The following CHSY3 variants were observed in gnomAD, a reference collection of about 807,000 sequenced individuals.
CHSY3 encodes chondroitin sulfate synthase 3, also known as N-acetylgalactosaminyl-proteoglycan 3-beta-glucuronosyltransferase 3.
In CHSY3, 35 loss-of-function variants were observed where a neutral mutation model predicts 67.2. That is an observed-to-expected ratio of 0.52 (90% CI 0.40 to 0.69). The LOEUF is 0.69. CHSY3 is among the 30% of genes least tolerant of loss of function. CHSY3 has a pLI of 0.00. For missense variants in CHSY3, 1,069 were observed against 1,138.5 expected, an observed-to-expected ratio of 0.94 and a Z score of 0.88; for synonymous variants, 474 against 434.7, an observed-to-expected ratio of 1.09 and a Z score of -1.12.
chr5:130,016,445 C>T (rs1764221569), intron 2 of CHSY3, among the ~76,000 whole-genome samples: 2 of 152,198 alleles, frequency 1.3e-5, no homozygotes, highest in African/African-American at 2.4e-5. Context: ...AAGTCTCGCT[C>T]TTGTCCCTCA....
intron 2 of CHSY3, among the ~76,000 whole-genome samples, chr5:129,987,699 T>C (rs926581345): frequency 6.6e-6 from 1 of 152,226 alleles, no homozygotes; most frequent in African/African-American, 2.4e-5. Flanking sequence ...TGCTCATATG[T>C]GTAACATGGC....
chr5:130,169,766 T>C (rs1769848991), intron 2 of CHSY3, among the ~76,000 whole-genome samples: 1 of 151,860 alleles, frequency 6.6e-6, no homozygotes, highest in South Asian at 2.1e-4. Flanking sequence ...AAGAATCTAC[T>C]TGGTATTTGA....
At chr5:130,140,667 C>G (rs1197747146) in intron 2 of CHSY3, 1 of 348,648 alleles carries the variant, frequency 2.9e-6, no homozygotes, top group Non-Finnish European at 5.2e-6. Flanking sequence ...AATGGAATCT[C>G]TGACGTTAGG....
rs555467575 is a variant in CHSY3, at chr5:130,058,855, C to T, written c.1087-125374C>T. 3.3e-4 allele frequency among the ~76,000 whole-genome samples: 51 copies of T among 152,290 alleles called. 1 individual carries two copies. The highest frequency in any genetic ancestry group is 4.1e-4 in the South Asian group (2 of 4,828). On this transcript the variant is annotated intron_variant, in intron 2 of 2. Transcript: ENST00000305031. ...GCTCCAGGGGAGAATTCATTCTTTG[C>T]GTTTTCATCATTCTGGCTGTTGCCA...
At chr5:130,086,440 T>A (rs1033889774) in intron 2 of CHSY3, among the ~76,000 whole-genome samples, 1 of 149,022 alleles carries the variant, frequency 6.7e-6, no homozygotes, top group African/African-American at 2.6e-5. Context: ...AACCCCTGCC[T>A]TTTTTTGTTT....
intron 2 of CHSY3, among the ~76,000 whole-genome samples, chr5:130,180,015 G>A (rs1035454330): frequency 6.6e-6 from 1 of 152,146 alleles, no homozygotes; most frequent in African/African-American, 2.4e-5. Context: ...GTTGCCATCA[G>A]GGTTTATTCC....
chr5:130,161,321 C>A (rs887345654), intron 2 of CHSY3, among the ~76,000 whole-genome samples: 5 of 152,110 alleles, frequency 3.3e-5, no homozygotes, highest in Non-Finnish European at 7.4e-5. Context: ...CTGGATTGTT[C>A]GTTCTATTCT....
At chr5:130,016,128 G>A (rs1164036703) in intron 2 of CHSY3, among the ~76,000 whole-genome samples, 1 of 152,174 alleles carries the variant, frequency 6.6e-6, no homozygotes, top group Non-Finnish European at 1.5e-5. Context: ...TGCCTGTTGT[G>A]TACTATGGTC....
intron 2 of CHSY3, among the ~76,000 whole-genome samples, chr5:130,089,371 A>T (rs1766795116): frequency 6.6e-6 from 1 of 151,934 alleles, no homozygotes; most frequent in Admixed American, 6.6e-5. Context: ...TTAAAGTATA[A>T]TAATAATAAA....
At chr5:129,950,263 G>A (rs1345189188) in intron 2 of CHSY3, among the ~76,000 whole-genome samples, 4 of 151,852 alleles carry the variant, frequency 2.6e-5, no homozygotes, top group African/African-American at 2.4e-5. Flanking sequence ...CATATTAGGT[G>A]TAAAGAAATG....
chr5:129,954,906 C>A (rs1037927149), intron 2 of CHSY3, among the ~76,000 whole-genome samples: 2 of 151,992 alleles, frequency 1.3e-5, no homozygotes, highest in African/African-American at 4.8e-5. Flanking sequence ...TCTCGCTCTG[C>A]CACCCAGGCT....
At chr5:130,123,909 A>G (rs1414575926) in intron 2 of CHSY3, among the ~76,000 whole-genome samples, 1 of 151,736 alleles carries the variant, frequency 6.6e-6, no homozygotes, top group Non-Finnish European at 1.5e-5. Flanking sequence ...TACAAAAAAA[A>G]TTAGCCGGGT....
chr5:130,021,851 T>C lies in CHSY3; in HGVS notation c.1086+113491T>C, dbSNP rs115872618. ...AAGACTTTCACTTTGCTAATTGGGGTTTCAATAAAATTAAAAAGGAGATAG... is the reference window on the plus strand; with the variant it reads ...AAGACTTTCACTTTGCTAATTGGGGCTTCAATAAAATTAAAAAGGAGATAG... On this transcript the variant is annotated intron_variant, in intron 2 of 2. Coordinates refer to ENST00000305031, the MANE Select transcript of CHSY3 (RefSeq NM_175856.5). 7.2e-3 allele frequency among the ~76,000 whole-genome samples: 1,095 copies of C among 152,202 alleles called. 7 individuals are homozygous for C. The highest frequency in any genetic ancestry group is 0.017 in the Middle Eastern group (5 of 294).
chr5:129,931,382 T>G (rs1761303420), intron 2 of CHSY3, among the ~76,000 whole-genome samples: 1 of 152,186 alleles, frequency 6.6e-6, no homozygotes, highest in Non-Finnish European at 1.5e-5. Context: ...TACGTGGGCT[T>G]TGAATAGTTC....
At chr5:130,009,197 G>T (rs1292442984) in intron 2 of CHSY3, among the ~76,000 whole-genome samples, 1 of 152,000 alleles carries the variant, frequency 6.6e-6, no homozygotes, top group African/African-American at 2.4e-5. Context: ...CAAAAGAAAA[G>T]ATATTTAAGA....
chr5:130,050,219 C>T (rs1332170096), intron 2 of CHSY3, among the ~76,000 whole-genome samples: 2 of 152,030 alleles, frequency 1.3e-5, no homozygotes, highest in East Asian at 3.9e-4. Flanking sequence ...TATAAAAATC[C>T]TGGCAGTTGT....
intron 2 of CHSY3, among the ~76,000 whole-genome samples, chr5:129,921,992 A>G (rs866219335): frequency 8.0e-4 from 121 of 151,798 alleles, no homozygotes; most frequent in African/African-American, 2.8e-3. Flanking sequence ...ACTTTAACAC[A>G]CTCTACCCAC....
At chr5:129,926,444 G>A (rs1365493529) in intron 2 of CHSY3, among the ~76,000 whole-genome samples, 3 of 151,890 alleles carry the variant, frequency 2.0e-5, no homozygotes, top group Non-Finnish European at 4.4e-5. Context: ...TACTTCTACT[G>A]TAAACAGACT....
At chr5:130,064,634 G>A (rs986378705) in intron 2 of CHSY3, among the ~76,000 whole-genome samples, 1 of 152,172 alleles carries the variant, frequency 6.6e-6, no homozygotes, top group Non-Finnish European at 1.5e-5. Context: ...TACATAATGA[G>A]TATACCATGT....
Sources: gnomAD v4.1 joint callset for allele counts (sites outside exome capture counted in the v4.1 genomes callset) on GRCh38, gnomAD v4.1.1 for gene constraint, MANE v1.5 for transcripts, NCBI Gene and HGNC (gene_info 2026-07-23, HGNC 2026-07-21) for gene names.